The following BRD4 variants were observed in gnomAD, a reference collection of about 807,000 sequenced individuals.
BRD4 encodes the protein bromodomain containing 4.
Under a neutral mutation model 142.1 loss-of-function variants are expected in BRD4, and 16 were observed. The ratio of observed to expected loss-of-function variants is 0.11; its 90% confidence interval spans 0.08 to 0.17. BRD4 has a LOEUF of 0.17. BRD4 is among the 10% of genes least tolerant of loss of function. The probability of loss-of-function intolerance (pLI) is 1.00; values close to 1 mark genes in which losing one functional copy is unlikely to be tolerated. For missense variants in BRD4, 1,424 were observed against 1,810.9 expected (o/e 0.79, Z 3.88); for synonymous variants, 833 against 707.5 (o/e 1.18, Z -2.82).
intron 1 of BRD4, among the ~76,000 whole-genome samples, chr19:15,311,691 A>G (rs2047972507): frequency 2.0e-5 from 3 of 151,984 alleles, no homozygotes; most frequent in Admixed American, 2.0e-4. Context: ...AATCCCAGCT[A>G]CTTGAGAGGC....
At chr19:15,284,905 A>G (rs965044149) in intron 1 of BRD4, among the ~76,000 whole-genome samples, 1 of 152,246 alleles carries the variant, frequency 6.6e-6, no homozygotes, top group Non-Finnish European at 1.5e-5. Context: ...TCCACAAAGT[A>G]AATAACCCAC....
At chr19:15,253,510 T>A (rs2145561896) in intron 11 of BRD4, 1 of 1,502,864 alleles carries the variant, frequency 6.7e-7, no homozygotes, top group Non-Finnish European at 8.9e-7. Flanking sequence ...TAGTTAGAAC[T>A]GCAGGAGGGA....
At chr19:15,249,392 C>T in intron 11 of BRD4, 1 of 1,588,398 alleles carries the variant, frequency 6.3e-7, no homozygotes, top group Non-Finnish European at 8.6e-7. Flanking sequence ...ACCTCCTGCG[C>T]CCTGGTGGCT....
chr19:15,246,092 AG>A (rs1344985120), intron 11 of BRD4, among the ~76,000 whole-genome samples: 2 of 152,204 alleles, frequency 1.3e-5, no homozygotes, highest in East Asian at 3.8e-4. Context: ...ACAAATGACC[AG>A]GGGCTGCAAC....
chr19:15,293,730 C>A (rs1234630287), intron 1 of BRD4, among the ~76,000 whole-genome samples: 2 of 152,232 alleles, frequency 1.3e-5, no homozygotes, highest in Non-Finnish European at 2.9e-5. Flanking sequence ...TACATTTACA[C>A]TGTTGTGCTA....
intron 1 of BRD4, among the ~76,000 whole-genome samples, chr19:15,292,933 A>G (rs1296671776): frequency 3.9e-5 from 6 of 151,934 alleles, no homozygotes. Context: ...CTCTGCTCAC[A>G]CTGCTGGTAG....
intron 1 of BRD4, among the ~76,000 whole-genome samples, chr19:15,275,061 G>C (rs1599477233): frequency 6.6e-6 from 1 of 152,030 alleles, no homozygotes; most frequent in Non-Finnish European, 1.5e-5. Context: ...GTTTCACCAT[G>C]TTGGCCAGGC....
intron 1 of BRD4, chr19:15,332,009 C>T (rs1424604594): frequency 7.0e-6 from 1 of 143,016 alleles, no homozygotes; most frequent in East Asian, 2.1e-4. Flanking sequence ...CCCCGCCGGC[C>T]AGCCCAAGCC....
At chr19:15,319,838 G>A (rs2048046349) in intron 1 of BRD4, among the ~76,000 whole-genome samples, 2 of 151,830 alleles carry the variant, frequency 1.3e-5, no homozygotes, top group Admixed American at 6.6e-5. Context: ...AGGAAGCTGA[G>A]GTGGGAGGAT....
At chr19:15,255,710 G>A in intron 9 of BRD4, 118 bp from the exon 10 acceptor site, 1 of 1,305,036 alleles carries the variant, frequency 7.7e-7, no homozygotes, top group Non-Finnish European at 1.0e-6. Context: ...CCACCCACCA[G>A]CCTTCACAGG....
rs2047497818 is a variant in BRD4 at position 15,263,560 on chromosome 19, G to C, written c.1213-12C>G. 3 of 1,613,968 alleles carry C rather than the reference G, an allele frequency of 1.9e-6. No individual in the cohort carries two copies. The highest frequency in any genetic ancestry group is 2.5e-6 in the Non-Finnish European group (3 of 1,179,840). On this transcript the variant is annotated splice_polypyrimidine_tract_variant and intron_variant, in intron 6 of 19. Transcript: ENST00000679869. ...GCCTCCAGTTTAGACTGGAAAACAA[G>C]ACAAGTCCCTGTTAGCTGTGTCTGC...
chr19:15,322,880 A>AG (rs1016576474), intron 1 of BRD4, among the ~76,000 whole-genome samples: 19 of 147,700 alleles, frequency 1.3e-4, no homozygotes, highest in African/African-American at 2.5e-4. Flanking sequence ...AAAAAAAAAA[A>AG]AAAAGAAAAG....
At chr19:15,263,651 C>A in intron 6 of BRD4, 103 bp from the exon 7 acceptor site, 3 of 1,481,768 alleles carry the variant, frequency 2.0e-6, no homozygotes, top group Non-Finnish European at 2.8e-6. Flanking sequence ...AAGTTGGTTT[C>A]TTGGCTCTCA....
intron 1 of BRD4, among the ~76,000 whole-genome samples, chr19:15,301,961 G>A (rs1432407139): frequency 2.0e-5 from 3 of 151,718 alleles, no homozygotes; most frequent in Non-Finnish European, 4.4e-5. Context: ...GAGGTCAGGA[G>A]TTTGAGACCA....
chr19:15,296,672 G>C (rs1005632480), intron 1 of BRD4, among the ~76,000 whole-genome samples: 23 of 152,196 alleles, frequency 1.5e-4, no homozygotes, highest in Non-Finnish European at 2.5e-4. Flanking sequence ...CCAAAGTGCA[G>C]TCTCCTGACC....
chr19:15,239,621 G>A lies in BRD4; in HGVS notation c.3445+38C>T. ...GCTTATGTCCAACACGGGCCTCGGGGGGCCTGAGCCCTGGCTGTGGGCAGG... is the reference window on the plus strand; with the variant it reads ...GCTTATGTCCAACACGGGCCTCGGGAGGCCTGAGCCCTGGCTGTGGGCAGG... On this transcript the variant is annotated intron_variant, in intron 16 of 19. Transcript: ENST00000679869. This position sits in a 1 kb window ranked among gnomAD's most constrained non-coding sequence, Gnocchi z 7.4. The A allele has an allele frequency of 1.9e-6, 3 of 1,557,436 alleles. No homozygotes were observed. Among genetic ancestry groups the A allele is most frequent in the East Asian group, 4.5e-5 (2 of 44,520 alleles).
At chr19:15,299,749 G>A (rs2047852475) in intron 1 of BRD4, among the ~76,000 whole-genome samples, 2 of 152,206 alleles carry the variant, frequency 1.3e-5, no homozygotes, top group Non-Finnish European at 2.9e-5. Flanking sequence ...GCATTAACCA[G>A]CTGGCTTCAC....
At chr19:15,252,968 G>A (rs984619854) in intron 11 of BRD4, 9 of 193,288 alleles carry the variant, frequency 4.7e-5, no homozygotes, top group South Asian at 1.9e-4. Flanking sequence ...TCCTTGGCAC[G>A]ATCAAGTTAT....
At chr19:15,254,033 A>G (rs1031846798) in intron 11 of BRD4, 119 bp downstream of exon 11, 37 of 837,568 alleles carry the variant, frequency 4.4e-5, no homozygotes, top group Middle Eastern at 2.5e-4. Context: ...AGACAGAGGA[A>G]CCCAGCAAGT....
Sources: allele counts gnomAD v4.1 joint callset (sites outside exome capture counted in the v4.1 genomes callset), GRCh38; gene constraint gnomAD v4.1.1; non-coding constraint Gnocchi (gnomAD v3.1); transcripts MANE v1.5; gene names NCBI Gene and HGNC (gene_info 2026-07-23, HGNC 2026-07-21).